The following HRH1 variants were observed in gnomAD, a reference collection of about 807,000 sequenced individuals.
HRH1 encodes histamine H1 receptor.
HRH1 carries 6 observed loss-of-function variants against 10.3 expected under a neutral mutation model. The observed-to-expected ratio is 0.58, with a 90% CI of 0.32 to 1.15. HRH1 has a LOEUF of 1.15. HRH1 is among the 50% of genes most tolerant of loss of function. The probability of loss-of-function intolerance (pLI) is 0.05; values close to 1 mark genes in which losing one functional copy is unlikely to be tolerated. For synonymous variants in HRH1, 242 were observed against 236.7 expected, an observed-to-expected ratio of 1.02 and a Z score of -0.21; for missense variants, 514 against 615.3, an observed-to-expected ratio of 0.84 and a Z score of 1.74.
At position 11,227,121 on chromosome 3, in the gene HRH1, G is replaced by A. The variant is rs142165828; in HGVS notation, c.-35-31882G>A. On this transcript the variant is annotated intron_variant, in intron 1 of 1. Coordinates refer to ENST00000431010, the MANE Select transcript of HRH1 (RefSeq NM_001098212.2). The stretch of plus-strand genomic sequence containing the variant: ...GTTAGGAAGCTGTGACAGCAGTTGA[G>A]AGACGATGTTGTCAAAGTCTGCAGC... 5.1e-3 allele frequency among the ~76,000 whole-genome samples: 777 copies of A among 152,236 alleles called. 9 individuals carry two copies. Among genetic ancestry groups the A allele is most frequent in the African/African-American group, 0.018 (728 of 41,552 alleles).
At chr3:11,142,913 T>TG (rs1410743075) in intron 1 of HRH1, among the ~76,000 whole-genome samples, 1 of 150,642 alleles carries the variant, frequency 6.6e-6, no homozygotes, top group East Asian at 1.9e-4. Flanking sequence ...GACTCTGTTT[T>TG]GGAAAAAAAA....
At chr3:11,149,279 C>T (rs1021288684) in intron 1 of HRH1, among the ~76,000 whole-genome samples, 2 of 152,180 alleles carry the variant, frequency 1.3e-5, no homozygotes, top group East Asian at 1.9e-4. Flanking sequence ...ATAGCTTTTG[C>T]TCTTTCTCTA....
rs1347030796 is a variant in HRH1, at chr3:11,170,403, C to T, written c.-36+15849C>T. On this transcript the variant is annotated intron_variant, in intron 1 of 1. Coordinates refer to ENST00000431010, the MANE Select transcript of HRH1 (RefSeq NM_001098212.2). ...TCGCCAGCTTTGGATAAGCTCGCCA[C>T]ATGTTTATTTGTGCACCTACTGTGT... Among the ~76,000 whole-genome samples, 3 of 152,246 alleles carry T rather than the reference C, an allele frequency of 2.0e-5. No homozygotes were observed. The East Asian group carries it at 5.8e-4, about 29-fold the overall frequency.
intron 1 of HRH1, among the ~76,000 whole-genome samples, chr3:11,207,187 T>C (rs1299612040): frequency 6.6e-6 from 1 of 151,792 alleles, no homozygotes; most frequent in East Asian, 1.9e-4. Flanking sequence ...GCGGGAAAGG[T>C]AGACAGAAGC....
At chr3:11,191,162 C>G (rs1379293912) in intron 1 of HRH1, among the ~76,000 whole-genome samples, 2 of 152,128 alleles carry the variant, frequency 1.3e-5, no homozygotes. Flanking sequence ...AATCAAAGTT[C>G]AGGAATACTT....
intron 1 of HRH1, among the ~76,000 whole-genome samples, chr3:11,253,866 G>A (rs73121701): frequency 0.014 from 2,178 of 152,192 alleles, 57 homozygotes; most frequent in African/African-American, 0.05. Context: ...TCCTAAAACT[G>A]ATCGATCTGA....
At chr3:11,187,135 G>A (rs1337736854) in intron 1 of HRH1, among the ~76,000 whole-genome samples, 2 of 152,130 alleles carry the variant, frequency 1.3e-5, no homozygotes, top group African/African-American at 4.8e-5. Flanking sequence ...GGGTCCTCTG[G>A]CCTGGAATAA....
At chr3:11,147,517 G>A (rs372164718) in intron 1 of HRH1, among the ~76,000 whole-genome samples, 1 of 152,044 alleles carries the variant, frequency 6.6e-6, no homozygotes, top group Non-Finnish European at 1.5e-5. Flanking sequence ...TCCAGTTGAG[G>A]AGAAAGATAT....
chr3:11,239,208 G>A lies in HRH1; in HGVS notation c.-35-19795G>A, dbSNP rs78522625. On this transcript the variant is annotated intron_variant, in intron 1 of 1. Coordinates refer to ENST00000431010, the MANE Select transcript of HRH1 (RefSeq NM_001098212.2). Reference sequence around the variant, plus strand: ...TTCTTTTTAAATTATAGTCATCCTAGTCCATGTGAAGTGGTATCTCACTGT... The same window carrying A: ...TTCTTTTTAAATTATAGTCATCCTAATCCATGTGAAGTGGTATCTCACTGT... 1.1e-4 allele frequency among the ~76,000 whole-genome samples: 17 copies of A among 152,242 alleles called. No individual in the cohort carries two copies. The East Asian group carries it at 3.3e-3, about 29-fold the overall frequency.
At position 11,260,682 on chromosome 3, in the gene HRH1, T is replaced by G. The variant is rs570709265; in HGVS notation, c.*181T>G. 1 of 575,730 alleles carries G rather than the reference T, an allele frequency of 1.7e-6. No individual in the cohort carries two copies. The highest frequency in any genetic ancestry group is 2.8e-5 in the East Asian group (1 of 35,932). 35.7% of individuals were successfully genotyped at this position (575,730 alleles called of 1,614,324 possible). A position where few individuals can be genotyped will look rare whatever the true frequency, so the allele number is the denominator to read the frequency against. On this transcript the variant is annotated 3_prime_UTR_variant, in exon 2 of 2. Transcript: ENST00000431010. ...ATAGAAGAACAGCAGATGGCGGTGA[T>G]CAGCAGAGAGATTGAACTTTGAGGA...
intron 1 of HRH1, among the ~76,000 whole-genome samples, chr3:11,249,497 A>G (rs1011961997): frequency 1.3e-5 from 2 of 151,846 alleles, no homozygotes; most frequent in Non-Finnish European, 2.9e-5. Flanking sequence ...GAAATATCCT[A>G]TAGGGTCTGT....
chr3:11,147,529 C>A (rs1332376635), intron 1 of HRH1, among the ~76,000 whole-genome samples: 1 of 151,946 alleles, frequency 6.6e-6, no homozygotes, highest in African/African-American at 2.4e-5. Context: ...GAAAGATATC[C>A]AAATAAGCTA....
chr3:11,187,883 C>T (rs1937475701), intron 1 of HRH1, among the ~76,000 whole-genome samples: 1 of 152,242 alleles, frequency 6.6e-6, no homozygotes, highest in Non-Finnish European at 1.5e-5. Flanking sequence ...CATAAGGTTA[C>T]ATCAACTGCT....
rs201383833 is a variant in HRH1 at position 11,261,461 on chromosome 3, A to G, written c.*960A>G. On this transcript the variant is annotated 3_prime_UTR_variant, in exon 2 of 2. Coordinates refer to ENST00000431010, the MANE Select transcript of HRH1 (RefSeq NM_001098212.2). ...AGGTGAGAGAGGTACCCAAGGTCAC[A>G]TAGCTAGTTATGTGAGAAAGTTAGA... 6.0e-6 allele frequency: 1 copy of G among 167,132 alleles called. No homozygotes were observed. Among genetic ancestry groups the G allele is most frequent in the Non-Finnish European group, 1.5e-5 (1 of 68,118 alleles). The allele number at this position is 167,132 out of a possible 1,614,324, so 10.4% of individuals were successfully genotyped here. A position where few individuals can be genotyped will look rare whatever the true frequency, so the allele number is the denominator to read the frequency against.
chr3:11,236,694 T>G (rs1939189751), intron 1 of HRH1, among the ~76,000 whole-genome samples: 1 of 152,250 alleles, frequency 6.6e-6, no homozygotes, highest in South Asian at 2.1e-4. Flanking sequence ...CACTCATCTA[T>G]GCCCCTATAT....
intron 1 of HRH1, among the ~76,000 whole-genome samples, chr3:11,254,056 T>G (rs1414228168): frequency 6.6e-6 from 1 of 152,160 alleles, no homozygotes; most frequent in African/African-American, 2.4e-5. Context: ...CTTCCAATAT[T>G]CTAACGTTAG....
intron 1 of HRH1, among the ~76,000 whole-genome samples, chr3:11,182,745 A>G (rs1937381877): frequency 6.6e-6 from 1 of 152,166 alleles, no homozygotes; most frequent in Non-Finnish European, 1.5e-5. Flanking sequence ...TATCCTGTTC[A>G]GTCCTCCCAA....
At chr3:11,152,807 A>G (rs1035764458), upstream of HRH1, among the ~76,000 whole-genome samples, 1 of 151,842 alleles carries the variant, frequency 6.6e-6, no homozygotes, top group Non-Finnish European at 1.5e-5. Context: ...GGAGTGGGAG[A>G]GGGCTTTCGT....
In HRH1 at chr3:11,140,787, C is replaced by G. The variant is rs189215447; in HGVS notation, c.-36+3388C>G. Among the ~76,000 whole-genome samples, 462 of 152,250 alleles carry G rather than the reference C, an allele frequency of 3.0e-3. 2 individuals are homozygous for G. The highest frequency in any genetic ancestry group is 4.6e-3 in the Non-Finnish European group (314 of 68,024). On this transcript the variant is annotated intron_variant, in intron 1 of 1. Coordinates refer to the HRH1 transcript ENST00000438284. ...CCCATCTGTAAAGTGTACAGGGCCACGCTTACCTGCCAGGTGTGATTCCAT... is the reference window on the plus strand; with the variant it reads ...CCCATCTGTAAAGTGTACAGGGCCAGGCTTACCTGCCAGGTGTGATTCCAT...
Sources: gnomAD v4.1 joint callset for allele counts (sites outside exome capture counted in the v4.1 genomes callset) on GRCh38, gnomAD v4.1.1 for gene constraint, MANE v1.5 for transcripts, NCBI Gene and HGNC (gene_info 2026-07-23, HGNC 2026-07-21) for gene names.